KIAA1549L: variants seen among roughly 807,000 people sequenced by gnomAD.
KIAA1549L encodes KIAA1549 like, also known as UPF0606 protein KIAA1549L.
Under a neutral mutation model 160.7 loss-of-function variants are expected in KIAA1549L, and 88 were observed. The observed-to-expected ratio is 0.55, with a 90% confidence interval of 0.46 to 0.65. KIAA1549L has a LOEUF of 0.65. KIAA1549L is among the 30% of genes least tolerant of loss of function. KIAA1549L has a pLI of 0.00. For synonymous variants in KIAA1549L, 950 were observed against 976.7 expected (o/e 0.97, Z 0.51); for missense variants, 2,258 against 2,437.5 (o/e 0.93, Z 1.55).
At chr11:33,379,059 A>C (rs1463130166) in intron 1 of KIAA1549L, among the ~76,000 whole-genome samples, 4 of 152,116 alleles carry the variant, frequency 2.6e-5, no homozygotes, top group Non-Finnish European at 4.4e-5. Context: ...CTCATTGTAG[A>C]ATGCGTCCGA....
intron 1 of KIAA1549L, among the ~76,000 whole-genome samples, chr11:33,448,970 G>A (rs1851669660): frequency 6.6e-6 from 1 of 152,122 alleles, no homozygotes; most frequent in African/African-American, 2.4e-5. Context: ...CACACTTAGC[G>A]CTGTAATTGT....
At chr11:33,573,494 T>C (rs1377056774) in intron 9 of KIAA1549L, among the ~76,000 whole-genome samples, 2 of 152,198 alleles carry the variant, frequency 1.3e-5, no homozygotes, top group Non-Finnish European at 2.9e-5. Context: ...CAAATAGCCA[T>C]AGTTTATTCA....
intron 1 of KIAA1549L, among the ~76,000 whole-genome samples, chr11:33,445,690 G>T (rs1851595938): frequency 6.6e-6 from 1 of 152,222 alleles, no homozygotes; most frequent in East Asian, 1.9e-4. Context: ...GCAAGTTATT[G>T]AATCTCTTTG....
At position 33,543,688 on chromosome 11, in the gene KIAA1549L, A is replaced by G. The variant is rs1001890896; in HGVS notation, c.2125A>G (p.Thr709Ala). Residue 709 changes from threonine to alanine, a missense_variant, in exon 2 of 21, where the codon ACA becomes GCA. Physicochemically the swap from Thr to Ala is moderately conservative, Grantham distance 58. Coordinates refer to ENST00000658780, the MANE Select transcript of KIAA1549L (RefSeq NM_012194.3). ...TTCAGCAGAAACTGGATCTCTTTCC[A>G]CAGAATCAATAATATCTGGCTTGCA... ...SLSAETGSLS[T>A]ESIISGLQQQ... 2 of 1,614,048 alleles carry G rather than the reference A, an allele frequency of 1.2e-6. No individual in the cohort carries two copies. The highest frequency in any genetic ancestry group is 2.7e-5 in the African/African-American group (2 of 75,068).
chr11:33,377,287 T>C (rs1005806668), intron 1 of KIAA1549L, among the ~76,000 whole-genome samples: 2 of 152,196 alleles, frequency 1.3e-5, no homozygotes, highest in Non-Finnish European at 2.9e-5. Flanking sequence ...TAGAGAGTTT[T>C]AGGCAATCCG....
At chr11:33,646,355 T>C (rs1232198057) in intron 17 of KIAA1549L, among the ~76,000 whole-genome samples, 3 of 152,228 alleles carry the variant, frequency 2.0e-5, no homozygotes, top group African/African-American at 7.2e-5. Context: ...CTTTCAAGCC[T>C]GAGACCCATT....
chr11:33,563,580 C>G (rs1854948818), intron 8 of KIAA1549L, among the ~76,000 whole-genome samples: 1 of 152,114 alleles, frequency 6.6e-6, no homozygotes, highest in South Asian at 2.1e-4. Context: ...GAAGCCTGCT[C>G]AAGAACTCTT....
At chr11:33,540,564 T>C (rs935478346) in intron 1 of KIAA1549L, among the ~76,000 whole-genome samples, 1 of 152,104 alleles carries the variant, frequency 6.6e-6, no homozygotes, top group Non-Finnish European at 1.5e-5. Flanking sequence ...AAATTGCAAG[T>C]GTCTGAGGGG....
At chr11:33,502,486 T>A (rs571927835) in intron 1 of KIAA1549L, among the ~76,000 whole-genome samples, 13 of 152,316 alleles carry the variant, frequency 8.5e-5, no homozygotes, top group African/African-American at 3.1e-4. Context: ...CTTCTTCAGT[T>A]TCTCAAGTTG....
intron 1 of KIAA1549L, among the ~76,000 whole-genome samples, chr11:33,473,115 G>A (rs994399492): frequency 6.6e-6 from 1 of 152,220 alleles, no homozygotes; most frequent in African/African-American, 2.4e-5. Flanking sequence ...GATGGCTGTG[G>A]CTGTAGTGTC....
intron 1 of KIAA1549L, among the ~76,000 whole-genome samples, chr11:33,493,765 C>A (rs947186835): frequency 6.6e-6 from 1 of 152,230 alleles, no homozygotes; most frequent in Non-Finnish European, 1.5e-5. Flanking sequence ...AGGCTGGTAA[C>A]CAAGTGCCCT....
At chr11:33,607,230 G>A (rs1482914870) in intron 14 of KIAA1549L, among the ~76,000 whole-genome samples, 4 of 152,130 alleles carry the variant, frequency 2.6e-5, no homozygotes, top group East Asian at 1.9e-4. Context: ...GGAAGATAAC[G>A]TCATATGGAC....
At position 33,406,575 on chromosome 11, in the gene KIAA1549L, C is replaced by T. The variant is rs1056184584; in HGVS notation, c.238+29686C>T. On this transcript the variant is annotated intron_variant, in intron 1 of 20. Transcript: ENST00000658780. ...CCTTTGCTTATGTTGTGTTGTAATC[C>T]GCGCAGCGGAGCAAAGCTCCCCAGA... Among the ~76,000 whole-genome samples, 44 of 152,306 alleles carry T rather than the reference C, an allele frequency of 2.9e-4. 2 individuals carry two copies. The highest frequency in any genetic ancestry group is 9.6e-4 in the African/African-American group (40 of 41,590).
chr11:33,438,949 C>CA (rs1156807838), intron 1 of KIAA1549L, among the ~76,000 whole-genome samples: 1 of 151,294 alleles, frequency 6.6e-6, no homozygotes, highest in Non-Finnish European at 1.5e-5. Flanking sequence ...TTTTCTGAGA[C>CA]AGAGTCTTGC....
chr11:33,520,684 A>AACACACAC (rs60029190), intron 1 of KIAA1549L, among the ~76,000 whole-genome samples: 2,647 of 84,732 alleles, frequency 0.031, 160 homozygotes, highest in Non-Finnish European at 0.038. Flanking sequence ...CCCCACCCCC[A>AACACACAC]ACACACACAC....
At chr11:33,606,428 A>G (rs183600114) in intron 13 of KIAA1549L, among the ~76,000 whole-genome samples, 1 of 152,334 alleles carries the variant, frequency 6.6e-6, no homozygotes, top group East Asian at 1.9e-4. Context: ...TTTCCCACCC[A>G]TGATAAGGCA....
chr11:33,600,599 T>G (rs1258178495), intron 13 of KIAA1549L, among the ~76,000 whole-genome samples: 1 of 150,740 alleles, frequency 6.6e-6, no homozygotes, highest in East Asian at 2.0e-4. Context: ...TCCTGGAAAT[T>G]TACAAGGTCA....
chr11:33,509,213 A>G (rs1853166885), intron 1 of KIAA1549L, among the ~76,000 whole-genome samples: 1 of 152,198 alleles, frequency 6.6e-6, no homozygotes, highest in East Asian at 1.9e-4. Context: ...TTAGCTTTAG[A>G]CCTTACAGAA....
At position 33,544,946 on chromosome 11, in the gene KIAA1549L, G is replaced by A; in HGVS notation, c.2953G>A (p.Val985Ile). 6.2e-7 allele frequency: 1 copy of A among 1,613,766 alleles called. No homozygotes were observed. Among genetic ancestry groups the A allele is most frequent in the East Asian group, 2.2e-5 (1 of 44,850 alleles). Residue 985 changes from valine (V) to isoleucine (I), a missense_variant, in exon 3 of 21, where the codon GTC (valine) becomes ATC (isoleucine). Val to Ile is a conservative substitution (Grantham distance 29, BLOSUM62 3). Coordinates refer to ENST00000658780, the MANE Select transcript of KIAA1549L (RefSeq NM_012194.3). ...SSSMTTLAKNVTNKAASGPKR... is the reference protein window; with the variant it reads ...SSSMTTLAKNITNKAASGPKR... ...TTCGATGACTACTCTTGCTAAAAAT[G>A]TCACAAACAAGGCCGCATCTGGCCC... is the stretch of plus-strand genomic sequence containing the variant.
Sources: allele counts gnomAD v4.1 joint callset (sites outside exome capture counted in the v4.1 genomes callset), GRCh38; gene constraint gnomAD v4.1.1; transcripts MANE v1.5; gene names NCBI Gene and HGNC (gene_info 2026-07-23, HGNC 2026-07-21).